FARS2: variants seen among roughly 807,000 people sequenced by gnomAD.
FARS2 encodes phenylalanyl-tRNA synthetase 2, mitochondrial.
A neutral mutation model predicts 46.4 loss-of-function variants in FARS2; 40 were observed. The ratio of observed to expected loss-of-function variants is 0.86; its 90% CI spans 0.67 to 1.12. The LOEUF is 1.12. Ranked by LOEUF, FARS2 falls within the 50% of genes most tolerant of loss-of-function variation. The pLI is 0.00. For missense variants in FARS2, 513 were observed against 567.9 expected (o/e 0.90, Z 0.98); for synonymous variants, 234 against 214.9 (o/e 1.09, Z -0.78).
chr6:5,575,298 A>G (rs73358280), intron 5 of FARS2, among the ~76,000 whole-genome samples: 2,884 of 152,330 alleles, frequency 0.019, 85 homozygotes, highest in African/African-American at 0.066. Context: ...TCTGTTTCTC[A>G]AAATTTTCAC....
intron 4 of FARS2, among the ~76,000 whole-genome samples, chr6:5,452,952 G>A (rs1462281738): frequency 6.6e-6 from 1 of 152,114 alleles, no homozygotes; most frequent in Non-Finnish European, 1.5e-5. Context: ...CATATCACTA[G>A]ATGTTTTGCA....
rs1189845072 is a variant in FARS2 at position 5,579,061 on chromosome 6, C to A, written c.1065+33721C>A. On this transcript the variant is annotated intron_variant, in intron 5 of 6. Coordinates refer to ENST00000274680, the MANE Select transcript of FARS2 (RefSeq NM_006567.5). ...TGACATATAGAAAACATTGCCCTAACTATTATAGCTATAAACGTCCATGTT... is the reference window on the plus strand; with the variant it reads ...TGACATATAGAAAACATTGCCCTAAATATTATAGCTATAAACGTCCATGTT... 2.0e-5 allele frequency among the ~76,000 whole-genome samples: 3 copies of A among 152,142 alleles called. No individual in the cohort carries two copies. In the South Asian group the frequency reaches 6.2e-4, roughly 31 times the overall value.
chr6:5,745,818 G>A (rs1761602007), intron 6 of FARS2, among the ~76,000 whole-genome samples: 1 of 152,202 alleles, frequency 6.6e-6, no homozygotes, highest in Non-Finnish European at 1.5e-5. Flanking sequence ...GGGATTACAG[G>A]TGTGAGCCAC....
At chr6:5,404,439 T>C in intron 2 of FARS2, 103 bp from the exon 3 acceptor site, 1 of 695,636 alleles carries the variant, frequency 1.4e-6, no homozygotes. Flanking sequence ...ATTCCCACAT[T>C]ATAACTTTTT....
chr6:5,628,396 G>A (rs2150712815), intron 6 of FARS2, among the ~76,000 whole-genome samples: 1 of 152,330 alleles, frequency 6.6e-6, no homozygotes, highest in Non-Finnish European at 1.5e-5. Context: ...TGGAGTGACA[G>A]CAATAGTGGA....
chr6:5,429,587 C>A (rs35420040), intron 3 of FARS2, among the ~76,000 whole-genome samples: 23,972 of 152,124 alleles, frequency 0.16, 2,555 homozygotes, highest in East Asian at 0.46. Flanking sequence ...AGGAGGATTG[C>A]TTGAGGCCAG....
chr6:5,330,182 A>T (rs966613440), intron 1 of FARS2, among the ~76,000 whole-genome samples: 6 of 152,216 alleles, frequency 3.9e-5, no homozygotes, highest in African/African-American at 1.4e-4. Flanking sequence ...ATCAATCAAG[A>T]TACCACAGAA....
At chr6:5,751,384 C>T (rs1030665346) in intron 6 of FARS2, among the ~76,000 whole-genome samples, 18 of 152,162 alleles carry the variant, frequency 1.2e-4, no homozygotes, top group African/African-American at 4.3e-4. Context: ...TCTCAGCAAG[C>T]AGTAGACACC....
At chr6:5,552,496 G>A (rs1001352584) in intron 5 of FARS2, among the ~76,000 whole-genome samples, 7 of 151,994 alleles carry the variant, frequency 4.6e-5, no homozygotes, top group African/African-American at 7.3e-5. Flanking sequence ...TTCTCTGTGC[G>A]GCCTCCACAT....
chr6:5,294,860 C>G (rs1767747389), intron 1 of FARS2, among the ~76,000 whole-genome samples: 1 of 152,066 alleles, frequency 6.6e-6, no homozygotes, highest in Non-Finnish European at 1.5e-5. Flanking sequence ...ACGGAAGCTT[C>G]ATGACATCAG....
At chr6:5,700,243 A>G (rs539307458) in intron 6 of FARS2, among the ~76,000 whole-genome samples, 1 of 152,340 alleles carries the variant, frequency 6.6e-6, no homozygotes, top group Admixed American at 6.5e-5. Flanking sequence ...TGATTCATCC[A>G]GATGACAGCT....
chr6:5,669,900 C>G (rs1778363416), intron 6 of FARS2, among the ~76,000 whole-genome samples: 1 of 152,150 alleles, frequency 6.6e-6, no homozygotes, highest in Non-Finnish European at 1.5e-5. Context: ...CTTCAGATCC[C>G]TTTAGCTGCT....
chr6:5,291,118 C>T (rs1387494298), intron 1 of FARS2: 1 of 152,202 alleles, frequency 6.6e-6, no homozygotes, highest in African/African-American at 2.4e-5. Context: ...TCATACACTT[C>T]AGAAATAGTT....
At chr6:5,281,602 C>T (rs1766727918) in intron 1 of FARS2, among the ~76,000 whole-genome samples, 1 of 152,174 alleles carries the variant, frequency 6.6e-6, no homozygotes, top group African/African-American at 2.4e-5. Context: ...ACTCTGTACT[C>T]CTTAAACAGC....
Position 5,607,705 on chromosome 6 carries a change from G to A in FARS2, c.1066-5464G>A, listed in dbSNP as rs182758698. ...ATGCCCCCTCCTCGCCTGGCCAATG[G>A]TGTAAATAACCATGACGCGTTTATA... On this transcript the variant is annotated intron_variant, in intron 5 of 6. Transcript: ENST00000274680. Among the ~76,000 whole-genome samples the A allele has an allele frequency of 6.6e-5, 10 of 152,174 alleles. No individual in the cohort carries two copies. In the East Asian group the frequency reaches 1.9e-3, roughly 29 times the overall value.
intron 6 of FARS2, among the ~76,000 whole-genome samples, chr6:5,693,891 A>C (rs1350581778): frequency 6.6e-6 from 1 of 152,238 alleles, no homozygotes; most frequent in African/African-American, 2.4e-5. Flanking sequence ...GCAAGTCAGC[A>C]GGTGGAAGCT....
chr6:5,611,609 T>G (rs1420794886), intron 5 of FARS2, among the ~76,000 whole-genome samples: 1 of 152,258 alleles, frequency 6.6e-6, no homozygotes, highest in Non-Finnish European at 1.5e-5. Context: ...ACCATTAAAC[T>G]TTTTATATTT....
At chr6:5,348,677 G>A (rs1348235000) in intron 1 of FARS2, among the ~76,000 whole-genome samples, 3 of 150,984 alleles carry the variant, frequency 2.0e-5, no homozygotes, top group South Asian at 2.1e-4. Flanking sequence ...TTGTCTTTAC[G>A]GTATTTGGAG....
chr6:5,598,554 T>C (rs1468284571), intron 5 of FARS2, among the ~76,000 whole-genome samples: 1 of 152,226 alleles, frequency 6.6e-6, no homozygotes, highest in Non-Finnish European at 1.5e-5. Flanking sequence ...CAACTCAGCA[T>C]AACCACTTTC....
Sources: allele counts gnomAD v4.1 joint callset (sites outside exome capture counted in the v4.1 genomes callset), GRCh38; gene constraint gnomAD v4.1.1; transcripts MANE v1.5; gene names NCBI Gene and HGNC (gene_info 2026-07-23, HGNC 2026-07-21).